HECTD4: variants seen among roughly 807,000 people sequenced by gnomAD.
HECTD4 encodes HECT domain E3 ubiquitin protein ligase 4.
Under a neutral mutation model 471.5 loss-of-function variants are expected in HECTD4, and 114 were observed. That is an observed-to-expected ratio of 0.24 (90% CI 0.21 to 0.28). HECTD4 has a LOEUF of 0.28. HECTD4 is among the 10% of genes least tolerant of loss of function. The probability of loss-of-function intolerance (pLI) is 1.00; values close to 1 mark genes in which losing one functional copy is unlikely to be tolerated. For missense variants in HECTD4, 3,866 were observed against 5,651.5 expected, an observed-to-expected ratio of 0.68 and a Z score of 10.13; for synonymous variants, 2,012 against 2,256.0, an observed-to-expected ratio of 0.89 and a Z score of 3.07.
rs531195681 is a variant in HECTD4, at chr12:112,331,396, G to A, written c.178-11654C>T. 4.6e-5 allele frequency among the ~76,000 whole-genome samples: 7 copies of A among 152,200 alleles called. No individual in the cohort carries two copies. In the East Asian group the frequency reaches 5.8e-4, roughly 13 times the overall value. On this transcript the variant is annotated intron_variant, in intron 1 of 75. Coordinates refer to ENST00000682272, the MANE Select transcript of HECTD4 (RefSeq NM_001388303.1). ...CAGCATCAGTTTTTAAAGCCCACAG[G>A]TGAATCCAATGTGCAGCCAAGATTT...
Position 112,193,413 on chromosome 12 carries a change from G to A in HECTD4, c.8955+56C>T. 1 of 1,499,734 alleles carries A rather than the reference G, an allele frequency of 6.7e-7. No individual in the cohort carries two copies. The highest frequency in any genetic ancestry group is 1.2e-5 in the South Asian group (1 of 83,180). 92.9% of individuals were successfully genotyped at this position (1,499,734 alleles called of 1,614,324 possible). A position where few individuals can be genotyped will look rare whatever the true frequency, so the allele number is the denominator to read the frequency against. ...GGAGTCATTTTCAGCAAGCCAGTGA[G>A]ACTCCCAGTTAAAAATGGTAACCAC... On this transcript the variant is annotated intron_variant, in intron 57 of 75. Coordinates refer to ENST00000682272, the MANE Select transcript of HECTD4 (RefSeq NM_001388303.1). The surrounding 1 kb of genome is among the most constrained non-coding windows in gnomAD (Gnocchi z 5.2).
chr12:112,256,476 T>C lies in HECTD4; in HGVS notation c.3171A>G (p.Leu1057=). ...CAGCAGCCCATGGGGCAGGAATCTT[T>C]AAACCAGTGAGAAATCCTGGCTCTT... ...EKEEPGFLTG[L]KIPAPWAAGK... is the part of the protein sequence containing the mutation. The change falls in exon 21 of 76, where the codon TTA becomes TTG. Residue 1057 remains leucine, a synonymous_variant. Transcript: ENST00000682272. 6.2e-7 allele frequency: 1 copy of C among 1,604,146 alleles called. No individual in the cohort carries two copies. Among genetic ancestry groups the C allele is most frequent in the South Asian group, 1.1e-5 (1 of 88,492 alleles).
chr12:112,364,679 T>C (rs1594077201), intron 1 of HECTD4, among the ~76,000 whole-genome samples: 1 of 151,772 alleles, frequency 6.6e-6, no homozygotes, highest in African/African-American at 2.4e-5. Flanking sequence ...CAGTGAGCCG[T>C]GACTGCGCGC....
chr12:112,231,476 G>C lies in HECTD4; in HGVS notation c.6200+37C>G, dbSNP rs1293412981. 5.1e-6 allele frequency: 8 copies of C among 1,577,354 alleles called. No individual in the cohort carries two copies. The Admixed American group carries it at 6.7e-5, about 13-fold the overall frequency. The stretch of plus-strand genomic sequence containing the variant: ...CAAACCCATTATAAAGTAAACCTGA[G>C]ATGAGTGTGGACAGCTCCTACCTGT... On this transcript the variant is annotated intron_variant, in intron 39 of 75. Transcript: ENST00000682272.
chr12:112,195,095 C>T (rs763421069), intron 55 of HECTD4, 29 bp from the exon 56 acceptor site: 5 of 1,562,534 alleles, frequency 3.2e-6, no homozygotes, highest in Admixed American at 1.9e-5. Flanking sequence ...GTGAGATACT[C>T]AAAGCCCTGA....
intron 7 of HECTD4, among the ~76,000 whole-genome samples, chr12:112,292,113 A>G (rs1016719007): frequency 4.6e-5 from 7 of 152,158 alleles, no homozygotes; most frequent in East Asian, 1.9e-4. Context: ...GCAAGGCCCT[A>G]TAAGATATGG....
chr12:112,235,032 G>C lies in HECTD4; in HGVS notation c.5915+45C>G. On this transcript the variant is annotated intron_variant, in intron 37 of 75. Coordinates refer to ENST00000682272, the MANE Select transcript of HECTD4 (RefSeq NM_001388303.1). The surrounding 1 kb of genome is among the most constrained non-coding windows in gnomAD (Gnocchi z 5.0). The stretch of plus-strand genomic sequence containing the variant: ...TTACTTAGCACAGTGCCTGTGACAT[G>C]GGTGGTGCTTGAGGATGTGTAGCTA... 6.6e-7 allele frequency: 1 copy of C among 1,519,744 alleles called. No individual in the cohort carries two copies. The highest frequency in any genetic ancestry group is 8.9e-7 in the Non-Finnish European group (1 of 1,123,404). The allele number at this position is 1,519,744 out of a possible 1,614,324, so 94.1% of individuals were successfully genotyped here.
rs2033849663 is a variant in HECTD4, at chr12:112,250,203, G to A, written c.3891C>T (p.Ile1297=). ...CAGAAATTTCCCTGAGCTTTATCAT[G>A]ATTCCTGGAGGCAGTCTGATCCGAG... ...DLPRIRLPPG[I]MIKLREISGR... is the part of the protein sequence containing the mutation. Residue 1297 remains isoleucine, a synonymous_variant, in exon 25 of 76, where the codon ATC becomes ATT. Coordinates refer to ENST00000682272, the MANE Select transcript of HECTD4 (RefSeq NM_001388303.1). 1 of 1,613,924 alleles carries A rather than the reference G, an allele frequency of 6.2e-7. No homozygotes were observed. Among genetic ancestry groups the A allele is most frequent in the African/African-American group, 1.3e-5 (1 of 75,020 alleles).
In HECTD4 at chr12:112,208,484, G is replaced by A; in HGVS notation, c.8004+10C>T. ...TGCTGAGTCCTGATCTAAGCCTGTG[G>A]GTCTCTTACCTGAGGGATGTCATCA... On this transcript the variant is annotated intron_variant, in intron 51 of 75. Coordinates refer to ENST00000682272, the MANE Select transcript of HECTD4 (RefSeq NM_001388303.1). 6.4e-7 allele frequency: 1 copy of A among 1,572,256 alleles called. No individual in the cohort carries two copies. The highest frequency in any genetic ancestry group is 1.4e-5 in the African/African-American group (1 of 73,518).
Position 112,314,496 on chromosome 12 carries a change from G to A in HECTD4, c.746C>T (p.Thr249Met), listed in dbSNP as rs570625798. ...VHTVHLLQKQTDLGSLPVADV... is the reference protein window; with the variant it reads ...VHTVHLLQKQMDLGSLPVADV... Reference sequence around the variant, plus strand: ...AGCTACAGGCAGGGACCCTAGATCCGTCTGTTTCTGTAATAGATGGACTGT... The same window carrying A: ...AGCTACAGGCAGGGACCCTAGATCCATCTGTTTCTGTAATAGATGGACTGT... The change falls in exon 3 of 76, where the codon ACG becomes ATG. Residue 249 changes from threonine to methionine, a missense_variant. Transcript: ENST00000682272. 3.5e-5 allele frequency: 54 copies of A among 1,532,062 alleles called. No homozygotes were observed. The highest frequency in any genetic ancestry group is 1.2e-4 in the Admixed American group (6 of 50,966). The allele number at this position is 1,532,062 out of a possible 1,614,324, so 94.9% of individuals were successfully genotyped here.
chr12:112,163,298 G>A lies in HECTD4; in HGVS notation c.12898-34C>T, dbSNP rs550697417. 4.4e-5 allele frequency: 69 copies of A among 1,573,618 alleles called. 1 individual carries two copies. In the South Asian group the frequency reaches 8.0e-4, roughly 18 times the overall value. On this transcript the variant is annotated intron_variant, in intron 74 of 75. Coordinates refer to ENST00000682272, the MANE Select transcript of HECTD4 (RefSeq NM_001388303.1). The surrounding 1 kb of genome is among the most constrained non-coding windows in gnomAD (Gnocchi z 8.2). ...GAGAGGTCCAGGTGTCAGGAGCCCT[G>A]GAGCCCCACCTACCCAGTGCCTCCC...
At chr12:112,170,787 GGAGA>G in intron 68 of HECTD4, 4 of 448,484 alleles carry the variant, frequency 8.9e-6, no homozygotes, top group East Asian at 7.5e-5. Context: ...AAGTCTGGAA[GGAGA>G]GAGACTCATC....
chr12:112,209,720 G>A (rs951447631), intron 50 of HECTD4, among the ~76,000 whole-genome samples: 1 of 152,190 alleles, frequency 6.6e-6, no homozygotes, highest in Non-Finnish European at 1.5e-5. Flanking sequence ...TTGAAAATGA[G>A]TAACACTGTG....
At chr12:112,206,629 C>T (rs948592924) in intron 52 of HECTD4, among the ~76,000 whole-genome samples, 4 of 151,152 alleles carry the variant, frequency 2.6e-5, no homozygotes, top group Admixed American at 1.3e-4. Flanking sequence ...CTCTGCCTCC[C>T]GGGTTCCTGC....
At chr12:112,337,618 G>A (rs1470091816) in intron 1 of HECTD4, among the ~76,000 whole-genome samples, 3 of 152,116 alleles carry the variant, frequency 2.0e-5, no homozygotes, top group Admixed American at 6.6e-5. Flanking sequence ...AATATTAACT[G>A]GTTGATGGAT....
At chr12:112,212,381 A>G (rs2032789355) in intron 49 of HECTD4, 106 bp downstream of exon 49, 1 of 879,202 alleles carries the variant, frequency 1.1e-6, no homozygotes, top group Non-Finnish European at 1.8e-6. Flanking sequence ...TTGTGTACCA[A>G]TATTATGTAC....
Position 112,228,277 on chromosome 12 carries a change from C to T in HECTD4, c.6685-19G>A, listed in dbSNP as rs2033292061. On this transcript the variant is annotated intron_variant, in intron 42 of 75. Transcript: ENST00000682272. This position sits in a 1 kb window ranked among gnomAD's most constrained non-coding sequence, Gnocchi z 4.9. ...GCAATGCCTGATGGCGGTGGGGGGG[C>T]ATGGCAAAAAGTTAAATTCAAGTAG... 2 of 1,542,756 alleles carry T rather than the reference C, an allele frequency of 1.3e-6. No individual in the cohort carries two copies. Among genetic ancestry groups the T allele is most frequent in the Non-Finnish European group, 1.7e-6 (2 of 1,147,980 alleles).
chr12:112,368,322 C>T (rs1212853744), intron 1 of HECTD4, among the ~76,000 whole-genome samples: 1 of 152,144 alleles, frequency 6.6e-6, no homozygotes, highest in East Asian at 1.9e-4. Context: ...GGAGAGGATT[C>T]ATACAGCACT....
chr12:112,235,510 C>T lies in HECTD4; in HGVS notation c.5719G>A (p.Val1907Ile), dbSNP rs781647341. 6 of 1,608,636 alleles carry T rather than the reference C, an allele frequency of 3.7e-6. No homozygotes were observed. In the South Asian group the frequency reaches 5.5e-5, roughly 15 times the overall value. The change falls in exon 36 of 76, where the codon GTT (valine) becomes ATT (isoleucine). Residue 1907 changes from valine to isoleucine, a missense_variant. By Grantham distance (29) the Val-to-Ile change is conservative (BLOSUM62 3). Transcript: ENST00000682272. This position sits in a 1 kb window ranked among gnomAD's most constrained non-coding sequence, Gnocchi z 5.0. ...LLLAKLADYV[V>I]PGCQTVLSPT... ...CTGTTGAGGAGCTTCTCACCTGGAA[C>T]CACATAATCTGCCAGCTTTGCTAAG... is the stretch of plus-strand genomic sequence containing the variant.
Sources: allele counts gnomAD v4.1 joint callset (sites outside exome capture counted in the v4.1 genomes callset), GRCh38; gene constraint gnomAD v4.1.1; non-coding constraint Gnocchi (gnomAD v3.1); transcripts MANE v1.5; gene names NCBI Gene and HGNC (gene_info 2026-07-23, HGNC 2026-07-21).